DYNC1LI1: variants seen among roughly 807,000 people sequenced by gnomAD.
DYNC1LI1 encodes the protein cytoplasmic dynein 1 light intermediate chain 1.
DYNC1LI1 carries 19 observed loss-of-function variants against 63.8 expected under a neutral mutation model. The observed-to-expected ratio is 0.30, with a 90% CI of 0.21 to 0.44. The LOEUF is 0.44. Among genes scored for constraint, DYNC1LI1 ranks in the 20% least tolerant of loss-of-function variants. The probability of loss-of-function intolerance (pLI) is 1.00; values close to 1 mark genes in which losing one functional copy is unlikely to be tolerated. For missense variants in DYNC1LI1, 565 were observed against 630.2 expected, an observed-to-expected ratio of 0.90 and a Z score of 1.11; for synonymous variants, 225 against 232.3, an observed-to-expected ratio of 0.97 and a Z score of 0.28.
chr3:32,532,863 T>C lies in DYNC1LI1; in HGVS notation c.1080+123A>G, dbSNP rs74935780. The C allele has an allele frequency of 8.3e-4, 1,137 of 1,373,600 alleles. 8 individuals carry two copies. In the African/African-American group the frequency reaches 0.015, roughly 18 times the overall value. 85.1% of individuals were successfully genotyped at this position (1,373,600 alleles called of 1,614,324 possible). ...GTACATTAGAAACACACCAAAATTA[T>C]ACTTAGAAACCCTCCAGATGGAAAA... On this transcript the variant is annotated intron_variant, in intron 8 of 12. Transcript: ENST00000273130.
At chr3:32,561,841 C>T (rs1698199155) in intron 2 of DYNC1LI1, among the ~76,000 whole-genome samples, 1 of 150,188 alleles carries the variant, frequency 6.7e-6, no homozygotes, top group African/African-American at 2.5e-5. Context: ...TAAACAAAGC[C>T]GTATCTATTA....
chr3:32,540,451 G>A (rs541203038), intron 5 of DYNC1LI1, among the ~76,000 whole-genome samples: 125 of 151,876 alleles, frequency 8.2e-4, no homozygotes, highest in African/African-American at 2.8e-3. Context: ...AGGCCAAGGC[G>A]GGTGGGTCAC....
chr3:32,536,992 A>G lies in DYNC1LI1; in HGVS notation c.832+19T>C. 4 of 1,361,456 alleles carry G rather than the reference A, an allele frequency of 2.9e-6. No individual in the cohort carries two copies. The highest frequency in any genetic ancestry group is 4.1e-6 in the Non-Finnish European group (4 of 971,124). 84.3% of individuals were successfully genotyped at this position (1,361,456 alleles called of 1,614,324 possible). A position where few individuals can be genotyped will look rare whatever the true frequency, so the allele number is the denominator to read the frequency against. ...GGTAAAGTGATACACTGAATCAATA[A>G]ATGTATTTAAAAGGATACACTGTAA... On this transcript the variant is annotated intron_variant, in intron 6 of 12. Transcript: ENST00000273130.
chr3:32,549,533 T>C (rs1698003924), intron 2 of DYNC1LI1, among the ~76,000 whole-genome samples: 3 of 152,134 alleles, frequency 2.0e-5, no homozygotes, highest in Admixed American at 6.6e-5. Context: ...AACAATGTTT[T>C]GCACTGTAAG....
Position 32,570,754 on chromosome 3 carries a change from C to T in DYNC1LI1, c.17G>A (p.Arg6Gln), listed in dbSNP as rs1231426938. 5.6e-6 allele frequency: 9 copies of T among 1,602,506 alleles called. No individual in the cohort carries two copies. Among genetic ancestry groups the T allele is most frequent in the African/African-American group, 1.4e-5 (1 of 73,502 alleles). ...CGGAGAAGAACCGAAGGAGCCGACT[C>T]GCCCCACGGCCGCCATCTTGGTCGG... MAAVG[R>Q]VGSFGSSPPG... is the part of the protein sequence containing the mutation. Residue 6 changes from arginine (R) to glutamine (Q), a missense_variant, in exon 1 of 13, where the codon CGA becomes CAA. By Grantham distance (43) the Arg-to-Gln change is conservative (BLOSUM62 1). Coordinates refer to ENST00000273130, the MANE Select transcript of DYNC1LI1 (RefSeq NM_016141.4).
At position 32,537,927 on chromosome 3, in the gene DYNC1LI1, A is replaced by ATT. The variant is rs369297899; in HGVS notation, c.739-824_739-823insAA. ...TATATATATATAATTTATATATATA[A>ATT]TATATATATAATATATATATAATTT... is the stretch of plus-strand genomic sequence containing the variant. On this transcript the variant is annotated intron_variant, in intron 5 of 12. Coordinates refer to ENST00000273130, the MANE Select transcript of DYNC1LI1 (RefSeq NM_016141.4). 3.4e-3 allele frequency among the ~76,000 whole-genome samples: 113 copies of ATT among 33,250 alleles called. 9 individuals are homozygous for ATT. Among genetic ancestry groups the ATT allele is most frequent in the Non-Finnish European group, 4.0e-3 (83 of 20,626 alleles). 21.8% of individuals were successfully genotyped at this position (33,250 alleles called of 152,430 possible).
intron 2 of DYNC1LI1, among the ~76,000 whole-genome samples, chr3:32,568,521 A>G (rs577672465): frequency 6.6e-6 from 1 of 152,318 alleles, no homozygotes; most frequent in South Asian, 2.1e-4. Context: ...ATAAAAAAGG[A>G]AATTTAATCT....
chr3:32,568,736 C>G (rs1375400619), intron 2 of DYNC1LI1, among the ~76,000 whole-genome samples: 5 of 152,052 alleles, frequency 3.3e-5, no homozygotes, highest in Admixed American at 3.3e-4. Context: ...AATAACTGGA[C>G]AAAATGTATA....
At chr3:32,551,177 G>A (rs986768613) in intron 2 of DYNC1LI1, among the ~76,000 whole-genome samples, 2 of 152,118 alleles carry the variant, frequency 1.3e-5, no homozygotes, top group Non-Finnish European at 2.9e-5. Context: ...CCAGAGATAT[G>A]CAACAAATCA....
At chr3:32,549,845 A>T (rs1698008076) in intron 2 of DYNC1LI1, among the ~76,000 whole-genome samples, 1 of 152,194 alleles carries the variant, frequency 6.6e-6, no homozygotes, top group Non-Finnish European at 1.5e-5. Context: ...ATAAGGGTAA[A>T]AACTTCAGAT....
intron 2 of DYNC1LI1, among the ~76,000 whole-genome samples, chr3:32,546,253 G>C (rs1405811782): frequency 6.6e-6 from 1 of 151,966 alleles, no homozygotes; most frequent in Non-Finnish European, 1.5e-5. Context: ...ACTAAAAGTA[G>C]AAAAATTAGT....
At chr3:32,527,573 G>A (rs1697637837) in intron 12 of DYNC1LI1, among the ~76,000 whole-genome samples, 1 of 152,086 alleles carries the variant, frequency 6.6e-6, no homozygotes. Context: ...AATTTAAAAT[G>A]ATACAGCATT....
At chr3:32,550,219 G>A (rs1238784895) in intron 2 of DYNC1LI1, among the ~76,000 whole-genome samples, 1 of 152,182 alleles carries the variant, frequency 6.6e-6, no homozygotes, top group Admixed American at 6.5e-5. Flanking sequence ...ATCACCTTAA[G>A]TCGGGAGTTA....
At chr3:32,551,738 A>T (rs1374796665) in intron 2 of DYNC1LI1, among the ~76,000 whole-genome samples, 1 of 152,188 alleles carries the variant, frequency 6.6e-6, no homozygotes, top group Non-Finnish European at 1.5e-5. Context: ...GAAGTCAGAG[A>T]AGACTGCCTG....
chr3:32,539,839 TATTA>T (rs554609474), intron 5 of DYNC1LI1, among the ~76,000 whole-genome samples: 20 of 148,014 alleles, frequency 1.4e-4, no homozygotes, highest in East Asian at 4.2e-4. Flanking sequence ...CCAGCTGATC[TATTA>T]ATTATTTTTA....
intron 6 of DYNC1LI1, among the ~76,000 whole-genome samples, chr3:32,534,914 C>T (rs1452359346): frequency 6.6e-6 from 1 of 152,202 alleles, no homozygotes; most frequent in Non-Finnish European, 1.5e-5. Context: ...TCTAGAAATA[C>T]TGACACCATG....
intron 8 of DYNC1LI1, 121 bp from the exon 9 acceptor site, chr3:32,530,641 T>A: frequency 1.2e-6 from 1 of 869,074 alleles, no homozygotes; most frequent in South Asian, 1.6e-5. Context: ...ACCTATACTA[T>A]ATTTATATTC....
At chr3:32,557,487 A>T (rs1337507744) in intron 2 of DYNC1LI1, among the ~76,000 whole-genome samples, 1 of 152,224 alleles carries the variant, frequency 6.6e-6, no homozygotes, top group East Asian at 1.9e-4. Context: ...GCACCACTGC[A>T]CTCCAGCCTG....
rs1351075421 is a variant in DYNC1LI1 at position 32,537,029 on chromosome 3, G to A, written c.814C>T (p.Arg272Trp). 6.9e-6 allele frequency: 11 copies of A among 1,588,164 alleles called. No individual in the cohort carries two copies. Among genetic ancestry groups the A allele is most frequent in the Non-Finnish European group, 8.6e-6 (10 of 1,164,210 alleles). Reference sequence around the variant, plus strand: ...AGGATACACTGTAAACAAAACTTCCGGATATGTGACTGAATAAAATCAAAA... The same window carrying A: ...AGGATACACTGTAAACAAAACTTCCAGATATGTGACTGAATAAAATCAAAA... ...EHFDFIQSHIRKFCLQYGAAL... is the reference protein window; with the variant it reads ...EHFDFIQSHIWKFCLQYGAAL... Residue 272 changes from arginine to tryptophan, a missense_variant, in exon 6 of 13, where the codon CGG (arginine) becomes TGG (tryptophan). Physicochemically the swap from Arg to Trp is moderately radical, Grantham distance 101 (BLOSUM62 -3). Coordinates refer to ENST00000273130, the MANE Select transcript of DYNC1LI1 (RefSeq NM_016141.4).
Sources: gnomAD v4.1 joint callset for allele counts (sites outside exome capture counted in the v4.1 genomes callset) on GRCh38, gnomAD v4.1.1 for gene constraint, MANE v1.5 for transcripts, NCBI Gene and HGNC (gene_info 2026-07-23, HGNC 2026-07-21) for gene names.